Variants in PDE4B observed in about 807,000 individuals in gnomAD.
PDE4B encodes 3',5'-cyclic-AMP phosphodiesterase 4B.
Under a neutral mutation model 82.2 loss-of-function variants are expected in PDE4B, and 20 were observed. That is an observed-to-expected ratio of 0.24 (90% CI 0.17 to 0.35). PDE4B has a LOEUF of 0.35. Among genes scored for constraint, PDE4B ranks in the 10% least tolerant of loss-of-function variants. The probability of loss-of-function intolerance (pLI) is 1.00; values close to 1 mark genes in which losing one functional copy is unlikely to be tolerated. For missense variants in PDE4B, 655 were observed against 907.2 expected, an observed-to-expected ratio of 0.72 and a Z score of 3.57; for synonymous variants, 320 against 318.9, an observed-to-expected ratio of 1.00 and a Z score of -0.04.
chr1:66,184,918 C>T (rs975543594), intron 3 of PDE4B, among the ~76,000 whole-genome samples: 2 of 151,734 alleles, frequency 1.3e-5, no homozygotes, highest in Non-Finnish European at 2.9e-5. Context: ...ATACATGTGC[C>T]ATGTTGGTGT....
At chr1:66,005,992 G>A (rs761993951) in intron 3 of PDE4B, among the ~76,000 whole-genome samples, 1 of 152,204 alleles carries the variant, frequency 6.6e-6, no homozygotes, top group Admixed American at 6.5e-5. Context: ...CAGTGTTCAC[G>A]GAATGCTCTG....
At chr1:65,951,700 G>A (rs1218960765) in intron 3 of PDE4B, among the ~76,000 whole-genome samples, 1 of 152,034 alleles carries the variant, frequency 6.6e-6, no homozygotes, top group Non-Finnish European at 1.5e-5. Context: ...CGGAAATGAG[G>A]TAATATGATT....
At chr1:65,874,819 G>A (rs540619278) in intron 1 of PDE4B, among the ~76,000 whole-genome samples, 322 of 151,902 alleles carry the variant, frequency 2.1e-3, no homozygotes, top group African/African-American at 5.7e-3. Flanking sequence ...AGATTTAAAC[G>A]TTAGACCTAA....
intron 3 of PDE4B, among the ~76,000 whole-genome samples, chr1:66,062,130 C>T (rs2100899502): frequency 6.6e-6 from 1 of 152,182 alleles, no homozygotes; most frequent in South Asian, 2.1e-4. Context: ...TTAAACATTG[C>T]TGATATTCTA....
At chr1:66,020,874 C>A (rs1236539899) in intron 3 of PDE4B, among the ~76,000 whole-genome samples, 1 of 152,174 alleles carries the variant, frequency 6.6e-6, no homozygotes, top group African/African-American at 2.4e-5. Context: ...AGTTCTAGAT[C>A]CTTGAGGAAT....
chr1:66,029,305 C>G (rs893006324), intron 3 of PDE4B, among the ~76,000 whole-genome samples: 1 of 152,158 alleles, frequency 6.6e-6, no homozygotes, highest in Non-Finnish European at 1.5e-5. Context: ...TCAATTACCT[C>G]TCCCTGAGTC....
intron 3 of PDE4B, among the ~76,000 whole-genome samples, chr1:65,948,711 T>A (rs1648840654): frequency 6.6e-6 from 1 of 152,056 alleles, no homozygotes; most frequent in African/African-American, 2.4e-5. Context: ...TCACAGGCAA[T>A]GATGGTGTTT....
intron 7 of PDE4B, among the ~76,000 whole-genome samples, chr1:66,293,523 A>T (rs1348461718): frequency 6.6e-6 from 1 of 152,056 alleles, no homozygotes; most frequent in Non-Finnish European, 1.5e-5. Flanking sequence ...AGCTGAAATC[A>T]TTTACCATCT....
intron 3 of PDE4B, among the ~76,000 whole-genome samples, chr1:66,056,964 T>C (rs948149503): frequency 6.0e-4 from 92 of 152,338 alleles, no homozygotes; most frequent in African/African-American, 2.0e-3. Flanking sequence ...CAGTAATTTA[T>C]GACAGCAGCA....
rs574227342 is a variant in PDE4B, at chr1:66,366,699, A to C, written c.1384+933A>C. On this transcript the variant is annotated intron_variant, in intron 13 of 16. Coordinates refer to ENST00000341517, the MANE Select transcript of PDE4B (RefSeq NM_002600.4). ...GCTACATGTCTGCATGGATTGTATC[A>C]GTTGGTAGAATGTGGTGTCATGAAT... 2.6e-5 allele frequency among the ~76,000 whole-genome samples: 4 copies of C among 152,316 alleles called. No homozygotes were observed. The South Asian group carries it at 8.3e-4, about 32-fold the overall frequency.
intron 7 of PDE4B, among the ~76,000 whole-genome samples, chr1:66,311,352 T>G (rs887238493): frequency 6.6e-5 from 10 of 152,254 alleles, no homozygotes; most frequent in African/African-American, 2.4e-4. Flanking sequence ...CATATTGAAA[T>G]GTACTTTACA....
chr1:65,804,920 C>T (rs1240646105), intron 1 of PDE4B, among the ~76,000 whole-genome samples: 3 of 132,134 alleles, frequency 2.3e-5, no homozygotes, highest in Non-Finnish European at 3.0e-5. Context: ...TTAATTGATA[C>T]ACAATATGTT....
intron 3 of PDE4B, among the ~76,000 whole-genome samples, chr1:65,933,700 G>A (rs1040136973): frequency 6.6e-6 from 1 of 151,814 alleles, no homozygotes; most frequent in East Asian, 1.9e-4. Context: ...GTTGATCAGC[G>A]CCATACTTGT....
At chr1:65,949,682 T>C (rs1173523073) in intron 3 of PDE4B, among the ~76,000 whole-genome samples, 1 of 152,128 alleles carries the variant, frequency 6.6e-6, no homozygotes, top group Non-Finnish European at 1.5e-5. Flanking sequence ...ACTCTAATTA[T>C]GAACCAAGAG....
intron 3 of PDE4B, among the ~76,000 whole-genome samples, chr1:66,010,031 A>T (rs1652396656): frequency 1.3e-5 from 2 of 152,022 alleles, no homozygotes; most frequent in Non-Finnish European, 2.9e-5. Context: ...AAGACAAAGA[A>T]CTTTGTCTAT....
chr1:66,334,737 T>G lies in PDE4B; in HGVS notation c.747+2117T>G, dbSNP rs114052042. Among the ~76,000 whole-genome samples the G allele has an allele frequency of 8.4e-3, 1,277 of 152,330 alleles. 20 individuals are homozygous for G. The highest frequency in any genetic ancestry group is 0.03 in the African/African-American group (1,229 of 41,564). Reference sequence around the variant, plus strand: ...AATATCTCTTTTTACTTTACTACCTTTAAAAAATTATTGATTATTCAGATA... The same window carrying G: ...AATATCTCTTTTTACTTTACTACCTGTAAAAAATTATTGATTATTCAGATA... On this transcript the variant is annotated intron_variant, in intron 8 of 16. Transcript: ENST00000341517.
chr1:66,365,590 G>T lies in PDE4B; in HGVS notation c.1285-77G>T. On this transcript the variant is annotated intron_variant, in intron 12 of 16. Coordinates refer to ENST00000341517, the MANE Select transcript of PDE4B (RefSeq NM_002600.4). ...CCCTCTCCCAACAAGAATAAAGTAG[G>T]ATACTTTACAAATGAAACTGAATAA... 1.1e-5 allele frequency: 8 copies of T among 741,858 alleles called. No individual in the cohort carries two copies. The South Asian group carries it at 1.2e-4, about 11-fold the overall frequency. The allele number at this position is 741,858 out of a possible 1,614,324, so 46.0% of individuals were successfully genotyped here.
chr1:65,992,644 C>A, intron 3 of PDE4B: 1 of 952,086 alleles, frequency 1.1e-6, no homozygotes, highest in Non-Finnish European at 1.3e-6. Flanking sequence ...AAACCTCATC[C>A]ACAAGGAGGC....
intron 1 of PDE4B, among the ~76,000 whole-genome samples, chr1:65,897,772 G>A (rs1361828975): frequency 2.6e-5 from 4 of 152,066 alleles, no homozygotes; most frequent in African/African-American, 7.2e-5. Flanking sequence ...CTTTGGTATT[G>A]TGATTAATGC....
Sources: allele counts gnomAD v4.1 joint callset (sites outside exome capture counted in the v4.1 genomes callset), GRCh38; gene constraint gnomAD v4.1.1; transcripts MANE v1.5; gene names NCBI Gene and HGNC (gene_info 2026-07-23, HGNC 2026-07-21).